CDK6: variants seen among roughly 807,000 people sequenced by gnomAD.
CDK6 encodes the protein cyclin-dependent kinase 6.
CDK6 carries 6 observed loss-of-function variants against 37.1 expected under a neutral mutation model. That is an observed-to-expected ratio of 0.16 (90% CI 0.09 to 0.32). The LOEUF is 0.32. CDK6 is among the 10% of genes least tolerant of loss of function. The probability of loss-of-function intolerance (pLI) is 1.00; values close to 1 mark genes in which losing one functional copy is unlikely to be tolerated. For synonymous variants in CDK6, 160 were observed against 161.3 expected, an observed-to-expected ratio of 0.99 and a Z score of 0.06; for missense variants, 224 against 418.9, an observed-to-expected ratio of 0.53 and a Z score of 4.06.
At chr7:92,715,062 T>C (rs1178324540) in intron 4 of CDK6, among the ~76,000 whole-genome samples, 1 of 152,210 alleles carries the variant, frequency 6.6e-6, no homozygotes, top group East Asian at 1.9e-4. Context: ...GCAGATAGTA[T>C]TTAACGTCAC....
At chr7:92,805,872 C>T (rs6975474) in intron 2 of CDK6, among the ~76,000 whole-genome samples, 23,051 of 152,022 alleles carry the variant, frequency 0.15, 2,972 homozygotes, top group African/African-American at 0.35. Context: ...AACTACCTAC[C>T]GGTTCTCTTC....
intron 2 of CDK6, among the ~76,000 whole-genome samples, chr7:92,785,545 T>C (rs374537699): frequency 1.3e-5 from 2 of 152,302 alleles, no homozygotes; most frequent in East Asian, 3.9e-4. Context: ...GTAAATTACA[T>C]CTCAATAAAG....
intron 4 of CDK6, among the ~76,000 whole-genome samples, chr7:92,682,605 CAG>C (rs1461256278): frequency 1.3e-5 from 2 of 152,178 alleles, no homozygotes; most frequent in Non-Finnish European, 2.9e-5. Context: ...CAGTCCCTCG[CAG>C]AGTGTTGTAT....
In CDK6 at chr7:92,727,952, C is replaced by A. The variant is rs116133682; in HGVS notation, c.370-2159G>T. Among the ~76,000 whole-genome samples, 877 of 152,242 alleles carry A rather than the reference C, an allele frequency of 5.8e-3. 8 individuals carry two copies. Among genetic ancestry groups the A allele is most frequent in the African/African-American group, 0.017 (710 of 41,544 alleles). ...CTGAATTTTAAAAAGCATGACTAAC[C>A]TAAAGTAATGTCCTGTTGGCTCATC... On this transcript the variant is annotated intron_variant, in intron 3 of 7. Coordinates refer to ENST00000424848, the MANE Select transcript of CDK6 (RefSeq NM_001145306.2).
chr7:92,759,274 C>T (rs989703706), intron 3 of CDK6, among the ~76,000 whole-genome samples: 1 of 152,104 alleles, frequency 6.6e-6, no homozygotes, highest in African/African-American at 2.4e-5. Context: ...GCAACATGCT[C>T]ATCAATCACC....
At chr7:92,672,601 G>T (rs938985922) in intron 4 of CDK6, among the ~76,000 whole-genome samples, 4 of 148,416 alleles carry the variant, frequency 2.7e-5, no homozygotes, top group African/African-American at 5.0e-5. Flanking sequence ...TGAGTACATA[G>T]GGGGGGTTCA....
At chr7:92,634,011 G>A (rs373905466) in intron 5 of CDK6, among the ~76,000 whole-genome samples, 69 of 152,170 alleles carry the variant, frequency 4.5e-4, no homozygotes, top group African/African-American at 1.6e-3. Flanking sequence ...TAACTTGGCA[G>A]TGTTTTTATT....
chr7:92,737,924 T>C (rs1008789780), intron 3 of CDK6, among the ~76,000 whole-genome samples: 1 of 152,228 alleles, frequency 6.6e-6, no homozygotes, highest in South Asian at 2.1e-4. Context: ...GGTGAGAAAC[T>C]GAAAACAACA....
intron 2 of CDK6, among the ~76,000 whole-genome samples, chr7:92,808,277 G>C (rs1483272948): frequency 3.3e-5 from 5 of 152,214 alleles, no homozygotes; most frequent in Non-Finnish European, 5.9e-5. Flanking sequence ...GAAGCCTGCA[G>C]TCTGAAGCAT....
chr7:92,711,736 T>G (rs1362753645), intron 4 of CDK6, among the ~76,000 whole-genome samples: 1 of 151,402 alleles, frequency 6.6e-6, no homozygotes, highest in Non-Finnish European at 1.5e-5. Flanking sequence ...CCTGGCTAAT[T>G]TTTTTATTTT....
intron 4 of CDK6, among the ~76,000 whole-genome samples, chr7:92,716,370 T>C (rs905626117): frequency 6.6e-6 from 1 of 152,194 alleles, no homozygotes; most frequent in Non-Finnish European, 1.5e-5. Flanking sequence ...CAAAAAACTT[T>C]GTATGCCATG....
intron 2 of CDK6, among the ~76,000 whole-genome samples, chr7:92,786,658 A>C (rs976380377): frequency 6.9e-6 from 1 of 144,412 alleles, no homozygotes; most frequent in South Asian, 2.2e-4. Flanking sequence ...TATATATATA[A>C]ATAATCTGGC....
intron 7 of CDK6, among the ~76,000 whole-genome samples, chr7:92,617,096 A>T (rs746785568): frequency 9.2e-5 from 14 of 152,214 alleles, no homozygotes; most frequent in Non-Finnish European, 2.1e-4. Context: ...GGTAGATTGG[A>T]TAACTTTTAG....
chr7:92,621,172 A>G (rs1795798344), intron 6 of CDK6, among the ~76,000 whole-genome samples: 1 of 152,248 alleles, frequency 6.6e-6, no homozygotes, highest in Non-Finnish European at 1.5e-5. Flanking sequence ...GTACTTCAGC[A>G]GTGACGCTAG....
chr7:92,663,527 C>T (rs1796883613), intron 5 of CDK6, among the ~76,000 whole-genome samples: 1 of 151,702 alleles, frequency 6.6e-6, no homozygotes, highest in South Asian at 2.1e-4. Flanking sequence ...ACAGCGAAAC[C>T]CCGTATCTAC....
intron 2 of CDK6, among the ~76,000 whole-genome samples, chr7:92,817,622 T>C (rs1801063477): frequency 6.6e-6 from 1 of 151,774 alleles, no homozygotes; most frequent in Non-Finnish European, 1.5e-5. Context: ...CCACTTTTAT[T>C]TGACATTTTT....
chr7:92,805,264 C>T (rs1209013448), intron 2 of CDK6, among the ~76,000 whole-genome samples: 1 of 152,194 alleles, frequency 6.6e-6, no homozygotes, highest in African/African-American at 2.4e-5. Context: ...TCAAGTCACT[C>T]AGGATCAAAG....
At chr7:92,781,589 G>A (rs1043191773) in intron 2 of CDK6, among the ~76,000 whole-genome samples, 3 of 152,118 alleles carry the variant, frequency 2.0e-5, no homozygotes, top group Non-Finnish European at 4.4e-5. Flanking sequence ...CCTTTCTATT[G>A]TGGTTACAAT....
chr7:92,649,235 A>G (rs1334298913), intron 5 of CDK6, among the ~76,000 whole-genome samples: 1 of 152,226 alleles, frequency 6.6e-6, no homozygotes, highest in Admixed American at 6.5e-5. Context: ...TTATCTCATG[A>G]AACACTATTC....
Sources: gnomAD v4.1 joint callset for allele counts (sites outside exome capture counted in the v4.1 genomes callset) on GRCh38, gnomAD v4.1.1 for gene constraint, MANE v1.5 for transcripts, NCBI Gene and HGNC (gene_info 2026-07-23, HGNC 2026-07-21) for gene names.